The following SMIM13 variants were observed in gnomAD, a reference collection of about 807,000 sequenced individuals.
SMIM13 encodes the protein small integral membrane protein 13.
Under a neutral mutation model 5.9 loss-of-function variants are expected in SMIM13, and 3 were observed. The ratio of observed to expected loss-of-function variants is 0.51; its 90% CI spans 0.23 to 1.31. The LOEUF (loss-of-function observed/expected upper bound fraction) is 1.31. SMIM13 is among the 40% of genes most tolerant of loss of function. SMIM13 has a pLI of 0.18. For missense variants in SMIM13, 85 were observed against 109.9 expected (o/e 0.77, Z 1.01); for synonymous variants, 55 against 46.0 (o/e 1.19, Z -0.79).
chr6:11,103,474 C>A (rs1463047839), intron 1 of SMIM13: 3 of 630,146 alleles, frequency 4.8e-6, no homozygotes, highest in Non-Finnish European at 7.6e-6. Flanking sequence ...GAGTCCAAGA[C>A]CCAATTATCT....
Position 11,112,283 on chromosome 6 carries a change from GCT to G in SMIM13, c.76+17897_76+17898del, listed in dbSNP as rs1194563835. On this transcript the variant is annotated intron_variant, in intron 1 of 1. Coordinates refer to ENST00000416247, the MANE Select transcript of SMIM13 (RefSeq NM_001135575.2). ...CTTTTTTTTTTTTGGAGACAGCCTC[GCT>G]CTGTCTCCCAGGCTGGAGTGCAGTG... Among the ~76,000 whole-genome samples, 16 of 150,914 alleles carry G rather than the reference GCT, an allele frequency of 1.1e-4. No individual in the cohort carries two copies. The East Asian group carries it at 2.3e-3, about 22-fold the overall frequency.
intron 1 of SMIM13, among the ~76,000 whole-genome samples, chr6:11,105,842 G>A (rs1212181090): frequency 9.2e-5 from 14 of 152,152 alleles, no homozygotes; most frequent in Admixed American, 9.2e-4. Flanking sequence ...CATAGTGGGT[G>A]ATTTTAGCAG....
chr6:11,097,077 A>T (rs1757935218), intron 1 of SMIM13, among the ~76,000 whole-genome samples: 2 of 152,136 alleles, frequency 1.3e-5, no homozygotes, highest in Non-Finnish European at 1.5e-5. Flanking sequence ...ACCTCAGGTG[A>T]TCTGCCCACC....
Position 11,131,499 on chromosome 6 carries a change from G to A in SMIM13, c.77-2904G>A, listed in dbSNP as rs1012903256. Reference sequence around the variant, plus strand: ...AACAATCTTGAAAAAGAACATTGATGTATTCACATTTCCTGATTTTTAAAC... The same window carrying A: ...AACAATCTTGAAAAAGAACATTGATATATTCACATTTCCTGATTTTTAAAC... On this transcript the variant is annotated intron_variant, in intron 1 of 1. Transcript: ENST00000416247. Among the ~76,000 whole-genome samples the A allele has an allele frequency of 1.4e-4, 21 of 151,376 alleles. No homozygotes were observed. In the South Asian group the frequency reaches 1.5e-3, roughly 11 times the overall value.
chr6:11,112,721 T>C (rs868546671), intron 1 of SMIM13, among the ~76,000 whole-genome samples: 19 of 152,238 alleles, frequency 1.2e-4, no homozygotes, highest in Admixed American at 3.9e-4. Flanking sequence ...TTCCATTGTA[T>C]AGATATACCA....
At chr6:11,115,960 T>A (rs567349472) in intron 1 of SMIM13, among the ~76,000 whole-genome samples, 1 of 151,452 alleles carries the variant, frequency 6.6e-6, no homozygotes, top group South Asian at 2.1e-4. Context: ...GTGCTGGGAT[T>A]ACGGGCGTGA....
intron 1 of SMIM13, among the ~76,000 whole-genome samples, chr6:11,116,250 C>G (rs1023501833): frequency 2.6e-5 from 4 of 152,102 alleles, no homozygotes; most frequent in African/African-American, 9.7e-5. Flanking sequence ...AACTCTGGGC[C>G]TCAGGTGATC....
At position 11,130,267 on chromosome 6, in the gene SMIM13, AAAC is replaced by A. The variant is rs55970005; in HGVS notation, c.77-4117_77-4115del. Among the ~76,000 whole-genome samples, 135 of 145,594 alleles carry A rather than the reference AAAC, an allele frequency of 9.3e-4. 5 individuals are homozygous for A. Among genetic ancestry groups the A allele is most frequent in the Middle Eastern group, 3.6e-3 (1 of 276 alleles). ...AGTAGTCATTGTAAAAAAAAAAAAAAAACAACAACAACAACAACAACTGGGTGT... is the reference window on the plus strand; with the variant it reads ...AGTAGTCATTGTAAAAAAAAAAAAAAAACAACAACAACAACAACTGGGTGT... On this transcript the variant is annotated intron_variant, in intron 1 of 1. Coordinates refer to ENST00000416247, the MANE Select transcript of SMIM13 (RefSeq NM_001135575.2).
chr6:11,104,415 T>C, intron 1 of SMIM13: 3 of 1,551,666 alleles, frequency 1.9e-6, no homozygotes, highest in Non-Finnish European at 1.7e-6. Context: ...GCCACAAATA[T>C]AAAAGGCTCC....
chr6:11,099,463 G>A (rs530153941), intron 1 of SMIM13, among the ~76,000 whole-genome samples: 145 of 152,236 alleles, frequency 9.5e-4, no homozygotes, highest in Middle Eastern at 6.8e-3. Flanking sequence ...GTGACCCACC[G>A]TGCCTGGCCC....
intron 1 of SMIM13, chr6:11,105,007 C>G: frequency 1.2e-6 from 2 of 1,614,174 alleles, no homozygotes; most frequent in East Asian, 4.5e-5. Flanking sequence ...TGGCGGATAT[C>G]AGGGAAATCT....
intron 1 of SMIM13, among the ~76,000 whole-genome samples, chr6:11,095,537 A>G (rs567857125): frequency 1.9e-4 from 29 of 152,088 alleles, no homozygotes; most frequent in Non-Finnish European, 3.8e-4. Flanking sequence ...TTTTTAGTAG[A>G]GATGGGGTTT....
At chr6:11,104,397 A>T (rs1342695224) in intron 1 of SMIM13, 1 of 1,551,576 alleles carries the variant, frequency 6.4e-7, no homozygotes, top group Non-Finnish European at 8.7e-7. Context: ...GCATTGGTGA[A>T]TCGACTGGCC....
At chr6:11,115,935 C>T (rs185824043) in intron 1 of SMIM13, among the ~76,000 whole-genome samples, 336 of 151,074 alleles carry the variant, frequency 2.2e-3, no homozygotes, top group Non-Finnish European at 3.7e-3. Flanking sequence ...GATCCAACTG[C>T]TTCGGCCTCC....
intron 1 of SMIM13, chr6:11,103,939 G>C: frequency 1.9e-6 from 3 of 1,551,670 alleles, no homozygotes; most frequent in Non-Finnish European, 2.6e-6. Context: ...CTGGAGGCTT[G>C]ATTTAGGAGT....
In SMIM13 at chr6:11,136,523, A is replaced by C. The variant is rs1261248387; in HGVS notation, c.*1921A>C. ...TTGATACCTCATACTTCTTGCTTAG[A>C]GTTTTGTTTAACAGTTCACTGGCTC... On this transcript the variant is annotated 3_prime_UTR_variant, in exon 2 of 2. Coordinates refer to ENST00000416247, the MANE Select transcript of SMIM13 (RefSeq NM_001135575.2). 4 of 152,230 alleles carry C rather than the reference A, an allele frequency of 2.6e-5. No homozygotes were observed. Among genetic ancestry groups the C allele is most frequent in the South Asian group, 2.1e-4 (1 of 4,826 alleles). The allele number at this position is 152,230 out of a possible 1,614,324, so 9.4% of individuals were successfully genotyped here. A position where few individuals can be genotyped will look rare whatever the true frequency, so the allele number is the denominator to read the frequency against.
rs1049264266 is a variant in SMIM13, at chr6:11,134,739, A to G, written c.*137A>G. On this transcript the variant is annotated 3_prime_UTR_variant, in exon 2 of 2. Coordinates refer to ENST00000416247, the MANE Select transcript of SMIM13 (RefSeq NM_001135575.2). The stretch of plus-strand genomic sequence containing the variant: ...TTTAAAAAAGATTTACATGTAAGCC[A>G]TATAAAAATAAAGGGAACTGAAACC... 5 of 677,458 alleles carry G rather than the reference A, an allele frequency of 7.4e-6. No individual in the cohort carries two copies. The highest frequency in any genetic ancestry group is 1.1e-5 in the Non-Finnish European group (5 of 449,632). 42.0% of individuals were successfully genotyped at this position (677,458 alleles called of 1,614,324 possible).
In SMIM13 at chr6:11,135,151, C is replaced by T. The variant is rs1281695924; in HGVS notation, c.*549C>T. The T allele has an allele frequency of 1.2e-4, 19 of 152,466 alleles. No homozygotes were observed. The highest frequency in any genetic ancestry group is 1.2e-3 in the Admixed American group (18 of 15,246). The allele number at this position is 152,466 out of a possible 1,614,324, so 9.4% of individuals were successfully genotyped here. On this transcript the variant is annotated 3_prime_UTR_variant, in exon 2 of 2. Coordinates refer to ENST00000416247, the MANE Select transcript of SMIM13 (RefSeq NM_001135575.2). ...ATCACACTATGATTCAGCATTGAAA[C>T]GAAAAGTTATTGTGTATGCAGAAAA...
At position 11,136,105 on chromosome 6, in the gene SMIM13, T is replaced by C. The variant is rs1395238131; in HGVS notation, c.*1503T>C. 6.6e-6 allele frequency: 1 copy of C among 152,180 alleles called. No homozygotes were observed. Among genetic ancestry groups the C allele is most frequent in the East Asian group, 1.9e-4 (1 of 5,190 alleles). The allele number at this position is 152,180 out of a possible 1,614,324, so 9.4% of individuals were successfully genotyped here. A position where few individuals can be genotyped will look rare whatever the true frequency, so the allele number is the denominator to read the frequency against. On this transcript the variant is annotated 3_prime_UTR_variant, in exon 2 of 2. Coordinates refer to ENST00000416247, the MANE Select transcript of SMIM13 (RefSeq NM_001135575.2). ...TCTACTTTAGGAAGAGTGGGATTAG[T>C]TACTCCCTTTGTATAGGAGGACTTT...
Sources: gnomAD v4.1 joint callset for allele counts (sites outside exome capture counted in the v4.1 genomes callset) on GRCh38, gnomAD v4.1.1 for gene constraint, MANE v1.5 for transcripts, NCBI Gene and HGNC (gene_info 2026-07-23, HGNC 2026-07-21) for gene names.